FAM229B: variants seen among roughly 807,000 people sequenced by gnomAD.
The protein encoded by FAM229B is family with sequence similarity 229 member B.
In FAM229B, 2 loss-of-function variants were observed where a neutral mutation model predicts 6.7. That is an observed-to-expected ratio of 0.30 (90% CI 0.12 to 0.94). The LOEUF (loss-of-function observed/expected upper bound fraction) is 0.94, where lower values mean the gene tolerates loss of function less well. Among genes scored for constraint, FAM229B ranks in the 40% least tolerant of loss-of-function variants. The pLI is 0.54. For synonymous variants in FAM229B, 29 were observed against 34.0 expected (o/e 0.85, Z 0.51); for missense variants, 93 against 96.2 (o/e 0.97, Z 0.14).
intron 1 of FAM229B, among the ~76,000 whole-genome samples, chr6:112,088,154 G>A (rs587675875): frequency 8.5e-5 from 13 of 152,292 alleles, no homozygotes; most frequent in African/African-American, 3.1e-4. Flanking sequence ...AATACTTAAA[G>A]AATTGTGTGG....
chr6:112,094,043 A>G (rs1777290524), intron 1 of FAM229B, among the ~76,000 whole-genome samples: 1 of 152,164 alleles, frequency 6.6e-6, no homozygotes, highest in Admixed American at 6.5e-5. Context: ...AATTTGTGGA[A>G]TGCAGCTAAA....
intron 1 of FAM229B, among the ~76,000 whole-genome samples, chr6:112,095,654 A>C (rs1583605835): frequency 9.2e-5 from 12 of 129,960 alleles, no homozygotes; most frequent in East Asian, 2.3e-4. Flanking sequence ...AAAAAAAAAA[A>C]AAAAAACCAA....
At position 112,087,861 on chromosome 6, in the gene FAM229B, T is replaced by C. The variant is rs1689849212; in HGVS notation, c.-176+141T>C. On this transcript the variant is annotated intron_variant, in intron 1 of 3. Coordinates refer to ENST00000368656, the MANE Select transcript of FAM229B (RefSeq NM_001033564.3). The stretch of plus-strand genomic sequence containing the variant: ...TATTCAGATTCCACGGGACGCTGCG[T>C]TGGCATCTCTGTTCAACAAGCCCTT... 4 of 194,736 alleles carry C rather than the reference T, an allele frequency of 2.1e-5. No homozygotes were observed. In the East Asian group the frequency reaches 4.9e-4, roughly 24 times the overall value. The allele number at this position is 194,736 out of a possible 1,614,324, so 12.1% of individuals were successfully genotyped here.
chr6:112,100,819 G>C lies in FAM229B; in HGVS notation c.*32G>C. On this transcript the variant is annotated 3_prime_UTR_variant, in exon 4 of 4. Transcript: ENST00000368656. Reference sequence around the variant, plus strand: ...TAAGTCTTTTGTCAAGGTCTGACTAGGTCAAGGGTAATGGACCAGTATCAT... The same window carrying C: ...TAAGTCTTTTGTCAAGGTCTGACTACGTCAAGGGTAATGGACCAGTATCAT... The C allele has an allele frequency of 2.6e-6, 4 of 1,514,054 alleles. No homozygotes were observed. Among genetic ancestry groups the C allele is most frequent in the African/African-American group, 1.4e-5 (1 of 72,994 alleles). The allele number at this position is 1,514,054 out of a possible 1,614,324, so 93.8% of individuals were successfully genotyped here. A position where few individuals can be genotyped will look rare whatever the true frequency, so the allele number is the denominator to read the frequency against.
chr6:112,097,245 C>T (rs897821849), intron 2 of FAM229B, 44 bp downstream of exon 2: 1 of 152,156 alleles, frequency 6.6e-6, no homozygotes, highest in East Asian at 1.9e-4. Flanking sequence ...ATGTTAATAC[C>T]TGCATAGATA....
chr6:112,100,649 G>A, intron 3 of FAM229B, 21 bp from the exon 4 acceptor site: 2 of 1,532,084 alleles, frequency 1.3e-6, no homozygotes, highest in Non-Finnish European at 1.8e-6. Context: ...CTAACTACAT[G>A]TCATCTGCTT....
chr6:112,094,311 T>C (rs1777295081), intron 1 of FAM229B, among the ~76,000 whole-genome samples: 1 of 152,240 alleles, frequency 6.6e-6, no homozygotes, highest in African/African-American at 2.4e-5. Context: ...TCCTTGTTCA[T>C]AAGATAAAGT....
chr6:112,093,049 A>C (rs7757640), intron 1 of FAM229B, among the ~76,000 whole-genome samples: 1 of 151,796 alleles, frequency 6.6e-6, no homozygotes, highest in Non-Finnish European at 1.5e-5. Flanking sequence ...CGTATCTATC[A>C]TATTAAATAT....
At position 112,098,489 on chromosome 6, in the gene FAM229B, C is replaced by T. The variant is rs970443345; in HGVS notation, c.-14-781C>T. Among the ~76,000 whole-genome samples, 15 of 152,150 alleles carry T rather than the reference C, an allele frequency of 9.9e-5. No homozygotes were observed. The East Asian group carries it at 1.5e-3, about 16-fold the overall frequency. ...ACTGTGTGTTAGGCACTGCACTTTA[C>T]GTGTATTACCTTACTTAATCCTCAC... On this transcript the variant is annotated intron_variant, in intron 2 of 3. Transcript: ENST00000368656.
intron 3 of FAM229B, among the ~76,000 whole-genome samples, chr6:112,100,171 G>T (rs782190664): frequency 6.6e-6 from 1 of 152,132 alleles, no homozygotes; most frequent in Non-Finnish European, 1.5e-5. Context: ...TCATATATTC[G>T]ATGTATTTTT....
At chr6:112,096,580 T>G (rs1322838636) in intron 1 of FAM229B, among the ~76,000 whole-genome samples, 2 of 152,088 alleles carry the variant, frequency 1.3e-5, no homozygotes, top group African/African-American at 4.8e-5. Flanking sequence ...AAAAGATGTA[T>G]TCTTCCTTTC....
Position 112,100,957 on chromosome 6 carries a change from G to C in FAM229B, c.*170G>C, listed in dbSNP as rs782533131. On this transcript the variant is annotated 3_prime_UTR_variant, in exon 4 of 4. Transcript: ENST00000368656. ...ATGTAGTCAGTAAAGCACATGTAGT[G>C]ATAGGCTATCAGTTATGTCTGATAC... The C allele has an allele frequency of 3.4e-6, 2 of 587,694 alleles. No individual in the cohort carries two copies. Among genetic ancestry groups the C allele is most frequent in the Non-Finnish European group, 6.1e-6 (2 of 328,628 alleles). 36.4% of individuals were successfully genotyped at this position (587,694 alleles called of 1,614,324 possible). A position where few individuals can be genotyped will look rare whatever the true frequency, so the allele number is the denominator to read the frequency against.
At position 112,101,001 on chromosome 6, in the gene FAM229B, T is replaced by C. The variant is rs587598947; in HGVS notation, c.*214T>C. The C allele has an allele frequency of 1.3e-5, 6 of 457,094 alleles. No homozygotes were observed. In the East Asian group the frequency reaches 2.1e-4, roughly 16 times the overall value. The allele number at this position is 457,094 out of a possible 1,614,324, so 28.3% of individuals were successfully genotyped here. A position where few individuals can be genotyped will look rare whatever the true frequency, so the allele number is the denominator to read the frequency against. On this transcript the variant is annotated 3_prime_UTR_variant, in exon 4 of 4. Transcript: ENST00000368656. ...CTGATACATAAGACAGAATAATATT[T>C]CACAATTAGAAAGTACCTTAGAGAT...
At chr6:112,099,825 GTCACTTTGGCTTTGATTAGTA>G (rs1270893950) in intron 3 of FAM229B, among the ~76,000 whole-genome samples, 3 of 152,356 alleles carry the variant, frequency 2.0e-5, no homozygotes, top group Non-Finnish European at 4.4e-5. Context: ...CAGAGTTAAT[GTCACTTTGGCTTTGATTAGTA>G]TCACTTTGGC....
intron 3 of FAM229B, among the ~76,000 whole-genome samples, chr6:112,099,784 A>G (rs1777372637): frequency 6.6e-6 from 1 of 152,252 alleles, no homozygotes; most frequent in African/African-American, 2.4e-5. Flanking sequence ...TGCTAGGCAT[A>G]AGGCTAAAAA....
chr6:112,089,038 C>G (rs587720715), intron 1 of FAM229B, among the ~76,000 whole-genome samples: 60 of 152,316 alleles, frequency 3.9e-4, no homozygotes, highest in African/African-American at 1.4e-3. Flanking sequence ...TCCAAAACTT[C>G]CGTATATGCA....
At chr6:112,097,694 A>G (rs782709530) in intron 2 of FAM229B, among the ~76,000 whole-genome samples, 2 of 152,226 alleles carry the variant, frequency 1.3e-5, no homozygotes, top group African/African-American at 4.8e-5. Flanking sequence ...ATTGTGTACT[A>G]ATAGTTGAAT....
At position 112,102,763 on chromosome 6, in the gene FAM229B, A is replaced by T. The variant is rs1554319430; in HGVS notation, c.*1976A>T. 6.6e-6 allele frequency: 1 copy of T among 152,172 alleles called. No homozygotes were observed. The highest frequency in any genetic ancestry group is 2.4e-5 in the African/African-American group (1 of 41,446). The allele number at this position is 152,172 out of a possible 1,614,324, so 9.4% of individuals were successfully genotyped here. A position where few individuals can be genotyped will look rare whatever the true frequency, so the allele number is the denominator to read the frequency against. On this transcript the variant is annotated 3_prime_UTR_variant, in exon 4 of 4. Transcript: ENST00000368656. ...ATCCAAGGGGAGAAAACCCATCAAAATAAAAATAAAAACTACAATAAAATC... is the reference window on the plus strand; with the variant it reads ...ATCCAAGGGGAGAAAACCCATCAAATTAAAAATAAAAACTACAATAAAATC...
chr6:112,100,732 A>T lies in FAM229B; in HGVS notation c.188A>T (p.Tyr63Phe), dbSNP rs782087719. The change falls in exon 4 of 4, where the codon TAT (tyrosine) becomes TTT (phenylalanine). Residue 63 changes from tyrosine (Y) to phenylalanine (F), a missense_variant. Coordinates refer to ENST00000368656, the MANE Select transcript of FAM229B (RefSeq NM_001033564.3). ...ATAACTGATGTTCCCGTCACTGTTTATGCAACAACGAGAAAGCCACCTGCA... is the reference window on the plus strand; with the variant it reads ...ATAACTGATGTTCCCGTCACTGTTTTTGCAACAACGAGAAAGCCACCTGCA... ...LTITDVPVTVYATTRKPPAQS... is the reference protein window; with the variant it reads ...LTITDVPVTVFATTRKPPAQS... 7 of 1,614,078 alleles carry T rather than the reference A, an allele frequency of 4.3e-6. No individual in the cohort carries two copies. Among genetic ancestry groups the T allele is most frequent in the Non-Finnish European group, 5.9e-6 (7 of 1,179,954 alleles).
Sources: allele counts gnomAD v4.1 joint callset (sites outside exome capture counted in the v4.1 genomes callset), GRCh38; gene constraint gnomAD v4.1.1; transcripts MANE v1.5; gene names NCBI Gene and HGNC (gene_info 2026-07-23, HGNC 2026-07-21).